Variants in FREM2 observed in about 807,000 individuals in gnomAD.
The protein encoded by FREM2 is FRAS1 related extracellular matrix 2, also known as FRAS1-related extracellular matrix protein 2.
Under a neutral mutation model 219.9 loss-of-function variants are expected in FREM2, and 119 were observed. That is an observed-to-expected ratio of 0.54 (90% confidence interval 0.47 to 0.63). The LOEUF (loss-of-function observed/expected upper bound fraction) is 0.63, where lower values mean the gene tolerates loss of function less well. FREM2 is among the 30% of genes least tolerant of loss of function. FREM2 has a pLI of 0.00. For synonymous variants in FREM2, 1,562 were observed against 1,522.8 expected, an observed-to-expected ratio of 1.03 and a Z score of -0.60; for missense variants, 4,030 against 3,993.6, an observed-to-expected ratio of 1.01 and a Z score of -0.25.
chr13:38,725,371 C>CAT (rs71709920), intron 2 of FREM2, among the ~76,000 whole-genome samples: 9,699 of 152,000 alleles, frequency 0.064, 837 homozygotes, highest in African/African-American at 0.2. Context: ...TGGTTTAAAA[C>CAT]AAAAGGAAAC....
chr13:38,691,926 G>T lies in FREM2; in HGVS notation c.4582G>T (p.Asp1528Tyr), dbSNP rs200308898. Residue 1528 changes from aspartate (D) to tyrosine (Y), a missense_variant, in exon 1 of 24, where the codon GAT becomes TAT. By Grantham distance (160) the Asp-to-Tyr change is radical. This residue lies in a region of FREM2 where 3,102 missense variants were observed against 2,950.7 expected (regional missense o/e 1.05). Transcript: ENST00000280481. Reference sequence around the variant, plus strand: ...TCGGACATTCCGTATCTCCATTAGCGATGTGGACAATAAAAAGCCAGTGGT... The same window carrying T: ...TCGGACATTCCGTATCTCCATTAGCTATGTGGACAATAAAAAGCCAGTGGT... ...VFRTFRISIS[D>Y]VDNKKPVVTI... 12 of 1,614,164 alleles carry T rather than the reference G, an allele frequency of 7.4e-6. No individual in the cohort carries two copies. The highest frequency in any genetic ancestry group is 1.0e-5 in the Non-Finnish European group (12 of 1,180,038).
Position 38,689,018 on chromosome 13 carries a change from C to A in FREM2, c.1674C>A (p.Asp558Glu). ...LFPITLVPVD[D>E]QPPVLNANTG... ...CCATCACCTTAGTGCCTGTGGATGA[C>A]CAGCCACCTGTTCTCAATGCCAACA... Residue 558 changes from aspartate (D) to glutamate (E), a missense_variant, in exon 1 of 24, where the codon GAC becomes GAA. Coordinates refer to ENST00000280481, the MANE Select transcript of FREM2 (RefSeq NM_207361.6). The A allele has an allele frequency of 6.2e-7, 1 of 1,613,920 alleles. No homozygotes were observed. Among genetic ancestry groups the A allele is most frequent in the Non-Finnish European group, 8.5e-7 (1 of 1,179,916 alleles).
In FREM2 at chr13:38,688,155, G is replaced by A. The variant is rs748783790; in HGVS notation, c.811G>A (p.Ala271Thr). 6.2e-7 allele frequency: 1 copy of A among 1,613,470 alleles called. No homozygotes were observed. The highest frequency in any genetic ancestry group is 2.2e-5 in the East Asian group (1 of 44,850). The change falls in exon 1 of 24, where the codon GCC (alanine) becomes ACC (threonine). Residue 271 changes from alanine (A) to threonine (T), a missense_variant. Physicochemically the swap from Ala to Thr is moderately conservative, Grantham distance 58. Around this residue, in one of 2 missense-constraint regions of FREM2, gnomAD observed 3,102 missense variants for 2,950.7 expected, o/e 1.05. Transcript: ENST00000280481. ...AGGCGTGCGCTATCGCCACACAGCC[G>A]CCAGTCGCTCACCAAACAGGGACTG... ...ELGVRYRHTA[A>T]SRSPNRDWIP...
chr13:38,789,017 A>G lies in FREM2; in HGVS notation c.6019+4209A>G, dbSNP rs144305987. ...GAAGAAACTTACTTGTTCATGATGTAATTTTATAAATTGCTGGATTAAATT... is the reference window on the plus strand; with the variant it reads ...GAAGAAACTTACTTGTTCATGATGTGATTTTATAAATTGCTGGATTAAATT... On this transcript the variant is annotated intron_variant, in intron 6 of 23. Coordinates refer to ENST00000280481, the MANE Select transcript of FREM2 (RefSeq NM_207361.6). Among the ~76,000 whole-genome samples, 1,188 of 152,162 alleles carry G rather than the reference A, an allele frequency of 7.8e-3. 6 individuals are homozygous for G. Among genetic ancestry groups the G allele is most frequent in the Middle Eastern group, 0.027 (8 of 294 alleles).
intron 6 of FREM2, among the ~76,000 whole-genome samples, chr13:38,823,006 A>T (rs1876128053): frequency 6.6e-6 from 1 of 152,104 alleles, no homozygotes; most frequent in South Asian, 2.1e-4. Context: ...AATGTCTTAG[A>T]TTCTGAAAAG....
rs1555268805 is a variant in FREM2 at position 38,807,189 on chromosome 13, T to TATATATATATATATATATATATA, written c.6019+22381_6019+22382insATATATATATATATATATATATA. ...CCTTTTTGCAGAGATCTTGTCTCTG[T>TATATATATATATATATATATATA]TATATATATATATATATATATATAT... On this transcript the variant is annotated intron_variant, in intron 6 of 23. Coordinates refer to ENST00000280481, the MANE Select transcript of FREM2 (RefSeq NM_207361.6). Among the ~76,000 whole-genome samples, 9 of 45,380 alleles carry TATATATATATATATATATATATA rather than the reference T, an allele frequency of 2.0e-4. 1 individual carries two copies. The highest frequency in any genetic ancestry group is 4.0e-4 in the Non-Finnish European group (9 of 22,412). The allele number at this position is 45,380 out of a possible 152,430, so 29.8% of individuals were successfully genotyped here.
chr13:38,758,979 G>T (rs1234662574), intron 2 of FREM2, among the ~76,000 whole-genome samples: 1 of 152,190 alleles, frequency 6.6e-6, no homozygotes, highest in Non-Finnish European at 1.5e-5. Flanking sequence ...ACTGCAGAGA[G>T]CTGTGATAGC....
At chr13:38,759,990 C>G (rs1342353034) in intron 2 of FREM2, among the ~76,000 whole-genome samples, 1 of 152,210 alleles carries the variant, frequency 6.6e-6, no homozygotes, top group Non-Finnish European at 1.5e-5. Flanking sequence ...CCTCAAATCT[C>G]TATATCACTC....
Position 38,859,450 on chromosome 13 carries a change from C to T in FREM2, c.7379C>T (p.Thr2460Met), listed in dbSNP as rs768716981. ...MREVDFDTFF[T>M]SSKMVTLDSI... Reference sequence around the variant, plus strand: ...GAAGTGGACTTCGACACCTTTTTTACGTCATCCAAGATGGTCACACTGGAC... The same window carrying T: ...GAAGTGGACTTCGACACCTTTTTTATGTCATCCAAGATGGTCACACTGGAC... The change falls in exon 14 of 24, where the codon ACG (threonine) becomes ATG (methionine). Residue 2460 changes from threonine (T) to methionine (M), a missense_variant. Thr to Met is a moderately conservative substitution (Grantham distance 81). Transcript: ENST00000280481. 1.9e-6 allele frequency: 3 copies of T among 1,614,102 alleles called. No individual in the cohort carries two copies. Among genetic ancestry groups the T allele is most frequent in the Admixed American group, 1.7e-5 (1 of 60,024 alleles).
At chr13:38,791,364 C>G (rs2137838799) in intron 6 of FREM2, among the ~76,000 whole-genome samples, 1 of 152,210 alleles carries the variant, frequency 6.6e-6, no homozygotes, top group South Asian at 2.1e-4. Context: ...TTATTCACCC[C>G]TTTCTTACCT....
intron 6 of FREM2, chr13:38,827,369 T>C (rs1876332341): frequency 6.6e-6 from 1 of 152,108 alleles, no homozygotes; most frequent in South Asian, 2.1e-4. Flanking sequence ...ATAATATTAA[T>C]ATTACATTAA....
chr13:38,861,634 C>T lies in FREM2; in HGVS notation c.7651+72C>T, dbSNP rs116469495. 6.9e-4 allele frequency: 1,054 copies of T among 1,521,252 alleles called. 8 individuals carry two copies. In the African/African-American group the frequency reaches 0.013, roughly 19 times the overall value. 94.2% of individuals were successfully genotyped at this position (1,521,252 alleles called of 1,614,324 possible). A position where few individuals can be genotyped will look rare whatever the true frequency, so the allele number is the denominator to read the frequency against. ...CATTACCTGTTGTATTTTCCTTCAT[C>T]TTCTAAATAACCAAGCTTAAATAAA... is the stretch of plus-strand genomic sequence containing the variant. On this transcript the variant is annotated intron_variant, in intron 15 of 23. Transcript: ENST00000280481.
At position 38,883,661 on chromosome 13, in the gene FREM2, A is replaced by C. The variant is rs1878627208; in HGVS notation, c.*2874A>C. ...ATTCTGAGGGATTGCATAGAAACCA[A>C]GCTCCACTTGCTGTCCTTGGGAAGG... On this transcript the variant is annotated 3_prime_UTR_variant, in exon 24 of 24. Coordinates refer to ENST00000280481, the MANE Select transcript of FREM2 (RefSeq NM_207361.6). 1 of 152,132 alleles carries C rather than the reference A, an allele frequency of 6.6e-6. No individual in the cohort carries two copies. The highest frequency in any genetic ancestry group is 6.5e-5 in the Admixed American group (1 of 15,268). 9.4% of individuals were successfully genotyped at this position (152,132 alleles called of 1,614,324 possible). A position where few individuals can be genotyped will look rare whatever the true frequency, so the allele number is the denominator to read the frequency against.
In FREM2 at chr13:38,687,669, G is replaced by T; in HGVS notation, c.325G>T (p.Val109Leu). 6.3e-7 allele frequency: 1 copy of T among 1,599,422 alleles called. No homozygotes were observed. Residue 109 changes from valine (V) to leucine (L), a missense_variant, in exon 1 of 24, where the codon GTA (valine) becomes TTA (leucine). Val to Leu is a conservative substitution (Grantham distance 32, BLOSUM62 1). Transcript: ENST00000280481. ...VQPGDRCAVSVLDNDALAQRP... is the reference protein window; with the variant it reads ...VQPGDRCAVSLLDNDALAQRP... ...GCCCGGGGACCGCTGCGCGGTTTCG[G>T]TACTAGACAACGACGCACTGGCCCA... is the stretch of plus-strand genomic sequence containing the variant.
At chr13:38,781,224 C>G (rs1874103392) in intron 4 of FREM2, among the ~76,000 whole-genome samples, 1 of 152,178 alleles carries the variant, frequency 6.6e-6, no homozygotes. Context: ...CAACCTGCCC[C>G]AAGGCCTTTT....
intron 2 of FREM2, among the ~76,000 whole-genome samples, chr13:38,715,871 A>C (rs1870977598): frequency 6.6e-6 from 1 of 152,068 alleles, no homozygotes; most frequent in Non-Finnish European, 1.5e-5. Context: ...AATTAATTTA[A>C]CCTTAGTCTA....
intron 3 of FREM2, among the ~76,000 whole-genome samples, chr13:38,765,570 C>T (rs1873402767): frequency 6.6e-6 from 1 of 152,070 alleles, no homozygotes; most frequent in Non-Finnish European, 1.5e-5. Flanking sequence ...CAGAAATACA[C>T]ACCCCTGCCA....
Position 38,766,833 on chromosome 13 carries a change from C to T in FREM2, c.5410+2383C>T, listed in dbSNP as rs1873455837. On this transcript the variant is annotated intron_variant, in intron 3 of 23. Transcript: ENST00000280481. ...CGTACATTAAGCACTTTATCTATCTCTTTTATACCTTACATCCATCCTTTA... is the reference window on the plus strand; with the variant it reads ...CGTACATTAAGCACTTTATCTATCTTTTTTATACCTTACATCCATCCTTTA... Among the ~76,000 whole-genome samples, 4 of 152,290 alleles carry T rather than the reference C, an allele frequency of 2.6e-5. No individual in the cohort carries two copies. The South Asian group carries it at 8.3e-4, about 32-fold the overall frequency.
Position 38,884,235 on chromosome 13 carries a change from A to G in FREM2, c.*3448A>G, listed in dbSNP as rs1878652973. ...CTGTAAGCAGCAAAAAAGCTTCTTT[A>G]TCAAGTCATCTTACCTCTAATTCTT... On this transcript the variant is annotated 3_prime_UTR_variant, in exon 24 of 24. Transcript: ENST00000280481. 6.6e-6 allele frequency: 1 copy of G among 152,232 alleles called. No individual in the cohort carries two copies. Among genetic ancestry groups the G allele is most frequent in the African/African-American group, 2.4e-5 (1 of 41,460 alleles). The allele number at this position is 152,232 out of a possible 1,614,324, so 9.4% of individuals were successfully genotyped here.
Sources: gnomAD v4.1 joint callset for allele counts (sites outside exome capture counted in the v4.1 genomes callset) on GRCh38, gnomAD v4.1.1 for gene constraint, gnomAD v4.1.1 regional missense constraint, MANE v1.5 for transcripts, NCBI Gene and HGNC (gene_info 2026-07-23, HGNC 2026-07-21) for gene names.